The following TRIM47 variants were observed in gnomAD, a reference collection of about 807,000 sequenced individuals.
The protein encoded by TRIM47 is E3 ubiquitin-protein ligase TRIM47.
A neutral mutation model predicts 54.4 loss-of-function variants in TRIM47; 46 were observed. The observed-to-expected ratio is 0.84, with a 90% CI of 0.67 to 1.08. The LOEUF (loss-of-function observed/expected upper bound fraction) is 1.08. Ranked by LOEUF, TRIM47 falls within the 50% of genes least tolerant of loss-of-function variation. The pLI is 0.00. For synonymous variants in TRIM47, 392 were observed against 410.2 expected (o/e 0.96, Z 0.54); for missense variants, 825 against 910.1 (o/e 0.91, Z 1.20).
Position 75,878,528 on chromosome 17 carries a change from GA to G in TRIM47, c.20del (p.Phe7SerfsTer7). 7.6e-7 allele frequency: 1 copy of G among 1,318,298 alleles called. No individual in the cohort carries two copies. The highest frequency in any genetic ancestry group is 9.8e-7 in the Non-Finnish European group (1 of 1,024,950). 81.7% of individuals were successfully genotyped at this position (1,318,298 alleles called of 1,614,324 possible). A position where few individuals can be genotyped will look rare whatever the true frequency, so the allele number is the denominator to read the frequency against. On this transcript the variant is annotated frameshift_variant, in exon 1 of 6. Transcript: ENST00000254816. LOFTEE classifies it high-confidence loss of function. The stretch of plus-strand genomic sequence containing the variant: ...GTGGCTCTAGGCAGATGGGGCAGCT[GA>G]AGGGTCCACTGCCGTCCATGACTCC... MDGSGP[F>X]SCPICLEPLR... is the part of the protein sequence containing the mutation.
chr17:75,875,482 AGAG>A lies in TRIM47; in HGVS notation c.1202-11_1202-9del, dbSNP rs752088568. The A allele has an allele frequency of 8.7e-6, 14 of 1,613,700 alleles. No homozygotes were observed. The highest frequency in any genetic ancestry group is 1.3e-5 in the African/African-American group (1 of 74,904). On this transcript the variant is annotated splice_polypyrimidine_tract_variant and intron_variant, in intron 4 of 5. Transcript: ENST00000254816. The surrounding 1 kb of genome is among the most constrained non-coding windows in gnomAD (Gnocchi z 6.1). ...CTTGGGGCTCAGCATCAGCTGTAGA[AGAG>A]GAGACAGTGGTGAGAACGCCCCCAG...
rs2065148031 is a variant in TRIM47 at position 75,878,261 on chromosome 17, G to A, written c.288C>T (p.Ala96=). 4.8e-6 allele frequency: 6 copies of A among 1,243,740 alleles called. No individual in the cohort carries two copies. Among genetic ancestry groups the A allele is most frequent in the Non-Finnish European group, 6.0e-6 (6 of 993,818 alleles). The allele number at this position is 1,243,740 out of a possible 1,614,324, so 77.0% of individuals were successfully genotyped here. A position where few individuals can be genotyped will look rare whatever the true frequency, so the allele number is the denominator to read the frequency against. ...GSGPGPAPAL[A]PEPSAPSALP... ...GCGCGCTGGGTGCCGAGGGCTCCGG[G>A]GCCAGGGCAGGGGCCGGGCCGGGGC... The change falls in exon 1 of 6, where the codon GCC becomes GCT. Residue 96 remains alanine (A), a synonymous_variant. Transcript: ENST00000254816.
In TRIM47 at chr17:75,875,782, C is replaced by T; in HGVS notation, c.1201+119G>A. 1 of 1,235,704 alleles carries T rather than the reference C, an allele frequency of 8.1e-7. No individual in the cohort carries two copies. The highest frequency in any genetic ancestry group is 1.5e-5 in the African/African-American group (1 of 67,132). 76.5% of individuals were successfully genotyped at this position (1,235,704 alleles called of 1,614,324 possible). On this transcript the variant is annotated intron_variant, in intron 4 of 5. Transcript: ENST00000254816. This position sits in a 1 kb window ranked among gnomAD's most constrained non-coding sequence, Gnocchi z 6.1. ...GCTCTAGTCACTGGCAGGATTTGGG[C>T]TCCTCCCTGTGCCAGGCACAATTTT...
In TRIM47 at chr17:75,878,219, C is replaced by T; in HGVS notation, c.330G>A (p.Glu110=). The change falls in exon 1 of 6, where the codon GAG becomes GAA. Residue 110 remains glutamate (E), a synonymous_variant. Coordinates refer to ENST00000254816, the MANE Select transcript of TRIM47 (RefSeq NM_033452.3). ...SAPSALPSVP[E]PSAPCAPEPW... ...GCTCGGGAGCGCAGGGGGCCGACGGCTCCGGGACACTGGGCAGCGCGCTGG... is the reference window on the plus strand; with the variant it reads ...GCTCGGGAGCGCAGGGGGCCGACGGTTCCGGGACACTGGGCAGCGCGCTGG... 2.4e-6 allele frequency: 3 copies of T among 1,230,542 alleles called. No homozygotes were observed. The African/African-American group carries it at 4.7e-5, about 19-fold the overall frequency. The allele number at this position is 1,230,542 out of a possible 1,614,324, so 76.2% of individuals were successfully genotyped here.
rs149037758 is a variant in TRIM47 at position 75,875,009 on chromosome 17, C to T, written c.1391G>A (p.Arg464His). 15 of 1,614,046 alleles carry T rather than the reference C, an allele frequency of 9.3e-6. 2 individuals carry two copies. In the South Asian group the frequency reaches 1.5e-4, roughly 17 times the overall value. The change falls in exon 6 of 6, where the codon CGC (arginine) becomes CAC (histidine). Residue 464 changes from arginine to histidine, a missense_variant. Arg to His is a conservative substitution (Grantham distance 29). Coordinates refer to ENST00000254816, the MANE Select transcript of TRIM47 (RefSeq NM_033452.3). This position sits in a 1 kb window ranked among gnomAD's most constrained non-coding sequence, Gnocchi z 6.1. ...CPINYPLSPT[R>H]FTHCEQVLGE... ...CAGCACCTGCTCACAATGGGTGAAGCGGGTGGGCGACAAGGGGTAGTTGAT... is the reference window on the plus strand; with the variant it reads ...CAGCACCTGCTCACAATGGGTGAAGTGGGTGGGCGACAAGGGGTAGTTGAT...
At position 75,878,414 on chromosome 17, in the gene TRIM47, G is replaced by A. The variant is rs974829257; in HGVS notation, c.135C>T (p.Ala45=). ...ALWPHRGASG[A]GGPGGAARCP... ...AGCGGGCCGCGCCTCCGGGTCCGCCGGCTCCACTCGCGCCACGATGCGGCC... is the reference window on the plus strand; with the variant it reads ...AGCGGGCCGCGCCTCCGGGTCCGCCAGCTCCACTCGCGCCACGATGCGGCC... The change falls in exon 1 of 6, where the codon GCC becomes GCT. Residue 45 remains alanine (A), a synonymous_variant. Transcript: ENST00000254816. 1.6e-5 allele frequency: 23 copies of A among 1,430,194 alleles called. No homozygotes were observed. In the Admixed American group the frequency reaches 4.2e-4, roughly 26 times the overall value. 88.6% of individuals were successfully genotyped at this position (1,430,194 alleles called of 1,614,324 possible).
At chr17:75,876,925 G>C (rs1226502132) in intron 1 of TRIM47, 112 bp from the exon 2 acceptor site, 24 of 1,022,952 alleles carry the variant, frequency 2.3e-5, no homozygotes, top group Non-Finnish European at 3.3e-5. Context: ...TGGTATCTGT[G>C]CATCAGGTGG....
In TRIM47 at chr17:75,878,280, C is replaced by T; in HGVS notation, c.269G>A (p.Gly90Asp). ...RQGSGPGSGPGPAPALAPEPS... is the reference protein window; with the variant it reads ...RQGSGPGSGPDPAPALAPEPS... ...CTCCGGGGCCAGGGCAGGGGCCGGG[C>T]CGGGGCCGGACCCGGGGCCCGAGCC... The change falls in exon 1 of 6, where the codon GGC becomes GAC. Residue 90 changes from glycine (G) to aspartate (D), a missense_variant. Coordinates refer to ENST00000254816, the MANE Select transcript of TRIM47 (RefSeq NM_033452.3). The T allele has an allele frequency of 7.9e-7, 1 of 1,263,002 alleles. No individual in the cohort carries two copies. The highest frequency in any genetic ancestry group is 1.0e-6 in the Non-Finnish European group (1 of 1,003,352). The allele number at this position is 1,263,002 out of a possible 1,614,324, so 78.2% of individuals were successfully genotyped here. A position where few individuals can be genotyped will look rare whatever the true frequency, so the allele number is the denominator to read the frequency against.
In TRIM47 at chr17:75,878,171, T is replaced by G. The variant is rs1346764276; in HGVS notation, c.378A>C (p.Pro126=). The part of the protein sequence containing the change: ...APEPWPAGEE[P]VRCDACPEGA... ...CCTCGGGGCACGCGTCGCAGCGCACTGGCTCTTCGCCCGCGGGCCACGGCT... is the reference window on the plus strand; with the variant it reads ...CCTCGGGGCACGCGTCGCAGCGCACGGGCTCTTCGCCCGCGGGCCACGGCT... The change falls in exon 1 of 6, where the codon CCA becomes CCC. Residue 126 remains proline (P), a synonymous_variant. Coordinates refer to ENST00000254816, the MANE Select transcript of TRIM47 (RefSeq NM_033452.3). 2 of 1,232,286 alleles carry G rather than the reference T, an allele frequency of 1.6e-6. No individual in the cohort carries two copies. The highest frequency in any genetic ancestry group is 2.0e-6 in the Non-Finnish European group (2 of 988,602). 76.3% of individuals were successfully genotyped at this position (1,232,286 alleles called of 1,614,324 possible).
At position 75,874,164 on chromosome 17, in the gene TRIM47, T is replaced by C. The variant is rs1345619668; in HGVS notation, c.*319A>G. 8.7e-6 allele frequency: 2 copies of C among 229,320 alleles called. No homozygotes were observed. The highest frequency in any genetic ancestry group is 1.7e-5 in the Non-Finnish European group (2 of 119,106). 14.2% of individuals were successfully genotyped at this position (229,320 alleles called of 1,614,324 possible). Reference sequence around the variant, plus strand: ...GGTAGAGAGGATGGAAAAGGAGTCATTCATTCAACAAGTGTTTATTGAGCA... The same window carrying C: ...GGTAGAGAGGATGGAAAAGGAGTCACTCATTCAACAAGTGTTTATTGAGCA... On this transcript the variant is annotated 3_prime_UTR_variant, in exon 6 of 6. Coordinates refer to ENST00000254816, the MANE Select transcript of TRIM47 (RefSeq NM_033452.3). The surrounding 1 kb of genome is among the most constrained non-coding windows in gnomAD (Gnocchi z 6.2).
rs757544163 is a variant in TRIM47 at position 75,877,978 on chromosome 17, G to C, written c.571C>G (p.Arg191Gly). 6 of 1,464,056 alleles carry C rather than the reference G, an allele frequency of 4.1e-6. No homozygotes were observed. Among genetic ancestry groups the C allele is most frequent in the Non-Finnish European group, 5.4e-6 (6 of 1,112,276 alleles). 90.7% of individuals were successfully genotyped at this position (1,464,056 alleles called of 1,614,324 possible). A position where few individuals can be genotyped will look rare whatever the true frequency, so the allele number is the denominator to read the frequency against. ...LCPRHLRPLE[R>G]YCRAERVCLC... is the part of the protein sequence containing the mutation. ...CACACGCGCTCCGCGCGGCAGTAGCGCTCGAGCGGCCGTAGGTGGCGCGGG... is the reference window on the plus strand; with the variant it reads ...CACACGCGCTCCGCGCGGCAGTAGCCCTCGAGCGGCCGTAGGTGGCGCGGG... The change falls in exon 1 of 6, where the codon CGC becomes GGC. Residue 191 changes from arginine (R) to glycine (G), a missense_variant. Physicochemically the swap from Arg to Gly is moderately radical, Grantham distance 125 (BLOSUM62 -2). Transcript: ENST00000254816.
In TRIM47 at chr17:75,876,345, G is replaced by T. The variant is rs1349671880; in HGVS notation, c.919C>A (p.Gln307Lys). The part of the protein sequence containing the change: ...LGRSQGDLRR[Q>K]EEQRSRLSRA... ...CTCAGGCGGCTGCGCTGTTCCTCCT[G>T]TCGCCGCAGGTCACCCTGGGAGCGG... is the stretch of plus-strand genomic sequence containing the variant. The change falls in exon 3 of 6, where the codon CAG becomes AAG. Residue 307 changes from glutamine to lysine, a missense_variant. Coordinates refer to ENST00000254816, the MANE Select transcript of TRIM47 (RefSeq NM_033452.3). The T allele has an allele frequency of 3.7e-6, 6 of 1,611,792 alleles. No homozygotes were observed. The highest frequency in any genetic ancestry group is 3.4e-6 in the Non-Finnish European group (4 of 1,179,982).
rs1344161511 is a variant in TRIM47, at chr17:75,874,852, G to A, written c.1548C>T (p.Asn516=). 6 of 1,614,020 alleles carry A rather than the reference G, an allele frequency of 3.7e-6. No homozygotes were observed. Among genetic ancestry groups the A allele is most frequent in the Admixed American group, 1.7e-5 (1 of 60,002 alleles). ...EPYDRGRLGR[N]AHSCCLQWNG... ...TCCACTGCAGGCAGCAGGAGTGGGC[G>A]TTGCGGCCCAGCCGGCCGCGGTCGT... Residue 516 remains asparagine (N), a synonymous_variant, in exon 6 of 6, where the codon AAC becomes AAT. Coordinates refer to ENST00000254816, the MANE Select transcript of TRIM47 (RefSeq NM_033452.3). This position sits in a 1 kb window ranked among gnomAD's most constrained non-coding sequence, Gnocchi z 6.2.
chr17:75,875,615 C>T lies in TRIM47; in HGVS notation c.1202-141G>A. 1 of 793,812 alleles carries T rather than the reference C, an allele frequency of 1.3e-6. No homozygotes were observed. Among genetic ancestry groups the T allele is most frequent in the Non-Finnish European group, 2.1e-6 (1 of 471,230 alleles). 49.2% of individuals were successfully genotyped at this position (793,812 alleles called of 1,614,324 possible). A position where few individuals can be genotyped will look rare whatever the true frequency, so the allele number is the denominator to read the frequency against. On this transcript the variant is annotated intron_variant, in intron 4 of 5. Transcript: ENST00000254816. This position sits in a 1 kb window ranked among gnomAD's most constrained non-coding sequence, Gnocchi z 6.1. ...CACCACCCAGATGTGGCACGCTGTG[C>T]TCACACACATGCCCGTTGCCTGTGT...
chr17:75,874,640 G>T lies in TRIM47; in HGVS notation c.1760C>A (p.Ala587Asp), dbSNP rs569959332. The stretch of plus-strand genomic sequence containing the variant: ...GCTCTGGAAGGGGTCAATGGGGGAG[G>T]CCGGGATGCCACCCCGGCGGGGCCG... ...ASRPRRGGIP[A>D]SPIDPFQSRL... The change falls in exon 6 of 6, where the codon GCC (alanine) becomes GAC (aspartate). Residue 587 changes from alanine to aspartate, a missense_variant. Physicochemically the swap from Ala to Asp is moderately radical, Grantham distance 126 (BLOSUM62 -2). Coordinates refer to ENST00000254816, the MANE Select transcript of TRIM47 (RefSeq NM_033452.3). This position sits in a 1 kb window ranked among gnomAD's most constrained non-coding sequence, Gnocchi z 6.2. The T allele has an allele frequency of 6.3e-7, 1 of 1,589,350 alleles. No homozygotes were observed. Among genetic ancestry groups the T allele is most frequent in the Non-Finnish European group, 8.6e-7 (1 of 1,166,256 alleles).
rs1017010297 is a variant in TRIM47, at chr17:75,877,794, G to A, written c.675+80C>T. On this transcript the variant is annotated intron_variant, in intron 1 of 5. Transcript: ENST00000254816. Reference sequence around the variant, plus strand: ...GATTAAGACCCAACCCGGGAAGACTGGGGGGTCCAAGGTCCTCGGCCCGCT... The same window carrying A: ...GATTAAGACCCAACCCGGGAAGACTAGGGGGTCCAAGGTCCTCGGCCCGCT... 5.3e-4 allele frequency: 672 copies of A among 1,271,642 alleles called. 4 individuals carry two copies. Among genetic ancestry groups the A allele is most frequent in the Middle Eastern group, 2.7e-3 (9 of 3,292 alleles). 78.8% of individuals were successfully genotyped at this position (1,271,642 alleles called of 1,614,324 possible).
chr17:75,875,613 T>TGGATGGATCCCCACATCGA lies in TRIM47; in HGVS notation c.1202-140_1202-139insTCGATGTGGGGATCCATCC. The TGGATGGATCCCCACATCGA allele has an allele frequency of 1.2e-6, 1 of 800,668 alleles. No homozygotes were observed. 49.6% of individuals were successfully genotyped at this position (800,668 alleles called of 1,614,324 possible). ...AGCACCACCCAGATGTGGCACGCTGTGCTCACACACATGCCCGTTGCCTGT... is the reference window on the plus strand; with the variant it reads ...AGCACCACCCAGATGTGGCACGCTGTGGATGGATCCCCACATCGAGCTCACACACATGCCCGTTGCCTGT... On this transcript the variant is annotated intron_variant, in intron 4 of 5. Coordinates refer to ENST00000254816, the MANE Select transcript of TRIM47 (RefSeq NM_033452.3). The surrounding 1 kb of genome is among the most constrained non-coding windows in gnomAD (Gnocchi z 6.1).
At chr17:75,877,845 G>A (rs1474206991) in intron 1 of TRIM47, 29 bp downstream of exon 1, 2 of 1,304,662 alleles carry the variant, frequency 1.5e-6, no homozygotes, top group Non-Finnish European at 9.7e-7. Context: ...ACCAGCCCCG[G>A]CTCACCCGAG....
chr17:75,875,822 G>A lies in TRIM47; in HGVS notation c.1201+79C>T. ...GGCACAATTTTCCTCCTCCACTTCT[G>A]GATGGGCGCCAGGCCTGGGGGCCTG... On this transcript the variant is annotated intron_variant, in intron 4 of 5. Transcript: ENST00000254816. This position sits in a 1 kb window ranked among gnomAD's most constrained non-coding sequence, Gnocchi z 6.1. 6 of 1,495,930 alleles carry A rather than the reference G, an allele frequency of 4.0e-6. No homozygotes were observed. Among genetic ancestry groups the A allele is most frequent in the Non-Finnish European group, 5.4e-6 (6 of 1,109,490 alleles). 92.7% of individuals were successfully genotyped at this position (1,495,930 alleles called of 1,614,324 possible).
Sources: gnomAD v4.1 joint callset for allele counts on GRCh38, gnomAD v4.1.1 for gene constraint, Gnocchi (gnomAD v3.1) non-coding constraint, MANE v1.5 for transcripts, NCBI Gene and HGNC (gene_info 2026-07-23, HGNC 2026-07-21) for gene names.